PCDHGB3: variants seen among roughly 807,000 people sequenced by gnomAD.
PCDHGB3 encodes protocadherin gamma subfamily B, 3, also known as protocadherin gamma-B3.
PCDHGB3 carries 40 observed loss-of-function variants against 59.2 expected under a neutral mutation model. The observed-to-expected ratio is 0.68, with a 90% CI of 0.52 to 0.88. The LOEUF (loss-of-function observed/expected upper bound fraction) is 0.88. Ranked by LOEUF, PCDHGB3 falls within the 40% of genes least tolerant of loss-of-function variation. The pLI, the probability that PCDHGB3 is intolerant of heterozygous loss-of-function variation, is 0.00. For missense variants in PCDHGB3, 1,309 were observed against 1,187.9 expected (o/e 1.10, Z -1.50); for synonymous variants, 581 against 503.6 (o/e 1.15, Z -2.06).
At chr5:141,458,519 T>C (rs974750749) in intron 1 of PCDHGB3, among the ~76,000 whole-genome samples, 1 of 152,110 alleles carries the variant, frequency 6.6e-6, no homozygotes, top group Non-Finnish European at 1.5e-5. Context: ...CTTTGTTTTT[T>C]TTTTTAACTT....
intron 1 of PCDHGB3, chr5:141,422,940 C>T (rs769630623): frequency 2.0e-5 from 32 of 1,614,124 alleles, no homozygotes; most frequent in Admixed American, 5.0e-5. Flanking sequence ...TCCCCACAGA[C>T]GGCTCCACTG....
chr5:141,427,914 A>G (rs757621783), intron 1 of PCDHGB3: 123 of 1,576,802 alleles, frequency 7.8e-5, no homozygotes, highest in Non-Finnish European at 7.6e-5. Context: ...CAGCGCCAAC[A>G]TGAGCCGGCG....
intron 1 of PCDHGB3, among the ~76,000 whole-genome samples, chr5:141,447,779 A>T (rs770299374): frequency 2.0e-5 from 3 of 152,210 alleles, no homozygotes; most frequent in Non-Finnish European, 4.4e-5. Flanking sequence ...ACTTTAATTG[A>T]AAATAAATTT....
chr5:141,389,644 C>T (rs2091854728), intron 1 of PCDHGB3: 1 of 1,612,926 alleles, frequency 6.2e-7, no homozygotes, highest in Admixed American at 1.7e-5. Context: ...TACTTGGTGA[C>T]CAAGGTAGTG....
At position 141,403,424 on chromosome 5, in the gene PCDHGB3, A is replaced by G. The variant is rs771429615; in HGVS notation, c.2415+30615A>G. ...AGCACGTTATCCACTTCCAGAAGCT[A>G]TTGATCCGGATGTTGGCGTGAACTC... is the stretch of plus-strand genomic sequence containing the variant. On this transcript the variant is annotated intron_variant, in intron 1 of 3. Transcript: ENST00000576222. The G allele has an allele frequency of 3.1e-6, 5 of 1,613,932 alleles. No homozygotes were observed. In the African/African-American group the frequency reaches 4.0e-5, roughly 13 times the overall value.
chr5:141,449,876 C>G (rs924666805), intron 1 of PCDHGB3, among the ~76,000 whole-genome samples: 2 of 151,724 alleles, frequency 1.3e-5, no homozygotes, highest in Non-Finnish European at 2.9e-5. Flanking sequence ...AATTTAACAT[C>G]AATGCAATAT....
chr5:141,502,238 T>C (rs2099813398), intron 2 of PCDHGB3, among the ~76,000 whole-genome samples: 1 of 152,204 alleles, frequency 6.6e-6, no homozygotes, highest in Admixed American at 6.5e-5. Flanking sequence ...TGTGTTCTTT[T>C]ATCCTTTTTT....
At chr5:141,451,484 G>A (rs2098717067) in intron 1 of PCDHGB3, among the ~76,000 whole-genome samples, 1 of 152,194 alleles carries the variant, frequency 6.6e-6, no homozygotes, top group Admixed American at 6.5e-5. Flanking sequence ...CTTGCCATGT[G>A]GACCTCCATA....
intron 1 of PCDHGB3, chr5:141,376,072 C>T (rs755171325): frequency 6.8e-6 from 11 of 1,613,380 alleles, no homozygotes; most frequent in South Asian, 6.6e-5. Context: ...TCACCGTGGC[C>T]GTGGCCGACA....
In PCDHGB3 at chr5:141,427,967, G is replaced by A. The variant is rs535332244; in HGVS notation, c.2415+55158G>A. On this transcript the variant is annotated intron_variant, in intron 1 of 3. Coordinates refer to ENST00000576222, the MANE Select transcript of PCDHGB3 (RefSeq NM_018924.5). The stretch of plus-strand genomic sequence containing the variant: ...TCAATGACAATGTGCCGCGGGTGCT[G>A]TACCCCGCGCTGGGGCCCGATGGCT... 10 of 1,591,190 alleles carry A rather than the reference G, an allele frequency of 6.3e-6. No individual in the cohort carries two copies. In the East Asian group the frequency reaches 8.9e-5, roughly 14 times the overall value.
rs967436443 is a variant in PCDHGB3 at position 141,400,001 on chromosome 5, C to G, written c.2415+27192C>G. On this transcript the variant is annotated intron_variant, in intron 1 of 3. Transcript: ENST00000576222. ...CTGCGCACAGGAGAGGTGCGCACAG[C>G]GCGTGCCTTGGGCGACAGGGACGCG... 5.0e-6 allele frequency: 8 copies of G among 1,612,262 alleles called. No individual in the cohort carries two copies. In the Admixed American group the frequency reaches 5.0e-5, roughly 10 times the overall value.
intron 1 of PCDHGB3, among the ~76,000 whole-genome samples, chr5:141,488,351 C>G (rs1467834410): frequency 6.6e-6 from 1 of 152,132 alleles, no homozygotes; most frequent in African/African-American, 2.4e-5. Context: ...AAACAGCCAC[C>G]CTGTGCATCT....
intron 1 of PCDHGB3, among the ~76,000 whole-genome samples, chr5:141,474,120 T>C (rs2099343213): frequency 6.6e-6 from 1 of 151,910 alleles, no homozygotes; most frequent in Non-Finnish European, 1.5e-5. Flanking sequence ...ACAACGAAAA[T>C]CTCAGAAAAC....
Position 141,432,195 on chromosome 5 carries a change from C to A in PCDHGB3, c.2415+59386C>A, listed in dbSNP as rs1334965321. ...CTCGTCTCTGTGACCGCCCACGACC[C>A]CGACTGTGAAGAGAACGCCCAGATC... On this transcript the variant is annotated intron_variant, in intron 1 of 3. Transcript: ENST00000576222. This position sits in a 1 kb window ranked among gnomAD's most constrained non-coding sequence, Gnocchi z 6.0. 22 of 1,614,088 alleles carry A rather than the reference C, an allele frequency of 1.4e-5. No homozygotes were observed. The highest frequency in any genetic ancestry group is 1.9e-5 in the Non-Finnish European group (22 of 1,180,058).
chr5:141,491,438 G>A lies in PCDHGB3; in HGVS notation c.2416-3369G>A, dbSNP rs376927300. The A allele has an allele frequency of 3.7e-6, 6 of 1,614,066 alleles. No homozygotes were observed. Among genetic ancestry groups the A allele is most frequent in the Admixed American group, 1.7e-5 (1 of 60,016 alleles). On this transcript the variant is annotated intron_variant, in intron 1 of 3. Coordinates refer to ENST00000576222, the MANE Select transcript of PCDHGB3 (RefSeq NM_018924.5). This position sits in a 1 kb window ranked among gnomAD's most constrained non-coding sequence, Gnocchi z 6.9. ...GGGGGTGGAGGGCAGTGCTGCAGGC[G>A]CCAGGACTCACCCTCCCCGGACTTC...
intron 1 of PCDHGB3, chr5:141,405,598 T>G: frequency 1.7e-6 from 1 of 577,840 alleles, no homozygotes; most frequent in South Asian, 2.2e-5. Context: ...GCCTCCCAAG[T>G]AGAATAACTG....
At chr5:141,441,703 A>C (rs1329703451) in intron 1 of PCDHGB3, 2 of 312,092 alleles carry the variant, frequency 6.4e-6, no homozygotes, top group Non-Finnish European at 1.3e-5. Context: ...CGAGCCTTCA[A>C]GCTCACGCTG....
intron 1 of PCDHGB3, chr5:141,376,074 T>C (rs1309324229): frequency 6.2e-6 from 10 of 1,613,500 alleles, no homozygotes; most frequent in South Asian, 1.1e-5. Flanking sequence ...ACCGTGGCCG[T>C]GGCCGACAGG....
At position 141,390,009 on chromosome 5, in the gene PCDHGB3, A is replaced by G. The variant is rs200734314; in HGVS notation, c.2415+17200A>G. The G allele has an allele frequency of 4.0e-3, 6,510 of 1,613,890 alleles. 27 individuals carry two copies. Among genetic ancestry groups the G allele is most frequent in the Non-Finnish European group, 4.8e-3 (5,639 of 1,179,872 alleles). ...CTTCCTCGTGGCCATGATTCTGGCCATTGCCTTGCGCCTGCGACGCTCCTC... is the reference window on the plus strand; with the variant it reads ...CTTCCTCGTGGCCATGATTCTGGCCGTTGCCTTGCGCCTGCGACGCTCCTC... On this transcript the variant is annotated intron_variant, in intron 1 of 3. Coordinates refer to ENST00000576222, the MANE Select transcript of PCDHGB3 (RefSeq NM_018924.5).
Sources: gnomAD v4.1 joint callset for allele counts (sites outside exome capture counted in the v4.1 genomes callset) on GRCh38, gnomAD v4.1.1 for gene constraint, Gnocchi (gnomAD v3.1) non-coding constraint, MANE v1.5 for transcripts, NCBI Gene and HGNC (gene_info 2026-07-23, HGNC 2026-07-21) for gene names.